ARHGEF4: variants seen among roughly 807,000 people sequenced by gnomAD.
ARHGEF4 encodes the protein APC-stimulated guanine nucleotide exchange factor 1.
ARHGEF4 carries 119 observed loss-of-function variants against 162.0 expected under a neutral mutation model. The observed-to-expected ratio is 0.73, with a 90% CI of 0.63 to 0.86. The LOEUF (loss-of-function observed/expected upper bound fraction) is 0.86. ARHGEF4 is among the 40% of genes least tolerant of loss of function. The probability of loss-of-function intolerance (pLI) is 0.00; values close to 1 mark genes in which losing one functional copy is unlikely to be tolerated. For missense variants in ARHGEF4, 2,488 were observed against 2,456.0 expected, an observed-to-expected ratio of 1.01 and a Z score of -0.28; for synonymous variants, 1,014 against 979.9, an observed-to-expected ratio of 1.03 and a Z score of -0.65.
At chr2:130,842,079 G>C (rs151079157) in intron 1 of ARHGEF4, among the ~76,000 whole-genome samples, 2 of 152,334 alleles carry the variant, frequency 1.3e-5, no homozygotes, top group East Asian at 3.9e-4. Flanking sequence ...GGTTTCACTT[G>C]TAATTGGTTC....
rs549856983 is a variant in ARHGEF4, at chr2:130,993,366, T to G, written c.3986-34579T>G. The stretch of plus-strand genomic sequence containing the variant: ...GGATATAGAAAAATTTTGTATGATT[T>G]CAACCCTTTGAAACCTTTTGAAACT... On this transcript the variant is annotated intron_variant, in intron 4 of 13. Transcript: ENST00000409359. Among the ~76,000 whole-genome samples, 7 of 152,346 alleles carry G rather than the reference T, an allele frequency of 4.6e-5. 1 individual carries two copies. Among genetic ancestry groups the G allele is most frequent in the African/African-American group, 1.7e-4 (7 of 41,584 alleles).
At chr2:130,992,571 C>T (rs184774382) in intron 4 of ARHGEF4, among the ~76,000 whole-genome samples, 3 of 151,882 alleles carry the variant, frequency 2.0e-5, no homozygotes, top group African/African-American at 2.4e-5. Flanking sequence ...GAAGAAACTC[C>T]GAACCTATCC....
At chr2:130,976,922 T>A (rs531820610) in intron 4 of ARHGEF4, among the ~76,000 whole-genome samples, 1 of 151,852 alleles carries the variant, frequency 6.6e-6, no homozygotes, top group East Asian at 1.9e-4. Flanking sequence ...GTGTATGGTG[T>A]GTTAGTATGT....
intron 10 of ARHGEF4, among the ~76,000 whole-genome samples, chr2:131,042,371 C>T (rs927168564): frequency 1.3e-5 from 2 of 152,226 alleles, no homozygotes; most frequent in Non-Finnish European, 2.9e-5. Flanking sequence ...CCTCCTGGTT[C>T]TGTTTGTCTG....
chr2:130,970,570 C>T (rs963460869), intron 4 of ARHGEF4, among the ~76,000 whole-genome samples: 1 of 125,040 alleles, frequency 8.0e-6, no homozygotes, highest in Non-Finnish European at 1.6e-5. Flanking sequence ...GCCTGGGCAA[C>T]AAGAGTGAAA....
intron 4 of ARHGEF4, among the ~76,000 whole-genome samples, chr2:130,975,069 T>TCA (rs1318478362): frequency 1.3e-5 from 2 of 152,022 alleles, no homozygotes; most frequent in Non-Finnish European, 2.9e-5. Flanking sequence ...CCCCCAGGGG[T>TCA]TGCCTTGGGT....
intron 13 of ARHGEF4, chr2:131,045,696 G>A (rs1463092236): frequency 6.9e-7 from 1 of 1,456,804 alleles, no homozygotes; most frequent in Non-Finnish European, 9.1e-7. Context: ...GACAATGCTT[G>A]TTTCCCCAGG....
intron 1 of ARHGEF4, among the ~76,000 whole-genome samples, chr2:130,850,845 G>GA (rs1343461678): frequency 6.6e-6 from 1 of 152,254 alleles, no homozygotes; most frequent in Non-Finnish European, 1.5e-5. Flanking sequence ...GACCCCCTCA[G>GA]ATGGCAGCTG....
chr2:130,854,974 C>T (rs113135899), intron 1 of ARHGEF4, among the ~76,000 whole-genome samples: 51 of 151,850 alleles, frequency 3.4e-4, no homozygotes, highest in African/African-American at 1.1e-3. Flanking sequence ...CCTGGGTTCA[C>T]GCCATTCTCC....
At chr2:131,036,639 T>C (rs1690306994) in intron 5 of ARHGEF4, among the ~76,000 whole-genome samples, 1 of 152,122 alleles carries the variant, frequency 6.6e-6, no homozygotes, top group South Asian at 2.1e-4. Flanking sequence ...GAAAGGGGAA[T>C]GGGGGCACCA....
chr2:131,034,190 T>C (rs1690062375), intron 5 of ARHGEF4, among the ~76,000 whole-genome samples: 1 of 152,166 alleles, frequency 6.6e-6, no homozygotes, highest in Non-Finnish European at 1.5e-5. Context: ...CCAGGAACTC[T>C]TCTTGCTCCA....
chr2:130,924,353 G>A (rs1458375416), intron 2 of ARHGEF4, among the ~76,000 whole-genome samples: 1 of 147,818 alleles, frequency 6.8e-6, no homozygotes, highest in Non-Finnish European at 1.5e-5. Context: ...TGCAACTTCC[G>A]TCTCCCGGGT....
At chr2:130,844,345 C>G (rs1185848838) in intron 1 of ARHGEF4, among the ~76,000 whole-genome samples, 2 of 152,192 alleles carry the variant, frequency 1.3e-5, no homozygotes, top group Non-Finnish European at 2.9e-5. Flanking sequence ...GGCCCTCCGG[C>G]CCTCACGTTG....
At chr2:130,917,679 C>A (rs570840048) in intron 2 of ARHGEF4, among the ~76,000 whole-genome samples, 181 bp downstream of exon 2, 219 of 152,224 alleles carry the variant, frequency 1.4e-3, no homozygotes, top group Middle Eastern at 3.4e-3. Flanking sequence ...ACTTCTTGAA[C>A]GTTACCAAGC....
intron 4 of ARHGEF4, among the ~76,000 whole-genome samples, chr2:130,977,233 T>C (rs1408697613): frequency 2.0e-5 from 3 of 151,842 alleles, no homozygotes; most frequent in Non-Finnish European, 4.4e-5. Flanking sequence ...GTGTGATGTG[T>C]GTGGTGTATG....
chr2:130,870,094 C>T (rs945812014), intron 1 of ARHGEF4, among the ~76,000 whole-genome samples: 20 of 152,190 alleles, frequency 1.3e-4, no homozygotes, highest in African/African-American at 4.6e-4. Flanking sequence ...GAACAATATT[C>T]GCCCTCTGCT....
At chr2:130,911,182 C>A (rs1681161615) in intron 1 of ARHGEF4, among the ~76,000 whole-genome samples, 1 of 152,308 alleles carries the variant, frequency 6.6e-6, no homozygotes, top group South Asian at 2.1e-4. Context: ...ATCCTCCCCT[C>A]CTGATGGGCT....
At chr2:130,980,241 A>G (rs1302832943) in intron 4 of ARHGEF4, among the ~76,000 whole-genome samples, 1 of 152,076 alleles carries the variant, frequency 6.6e-6, no homozygotes, top group East Asian at 1.9e-4. Flanking sequence ...TACTAAAAAT[A>G]CAAAAATTAG....
At chr2:130,857,242 A>G in intron 1 of ARHGEF4, among the ~76,000 whole-genome samples, 1 of 149,634 alleles carries the variant, frequency 6.7e-6, no homozygotes, top group East Asian at 2.0e-4. Flanking sequence ...AAAAAAATAA[A>G]AAAATAAAAA....
Sources: gnomAD v4.1 joint callset for allele counts (sites outside exome capture counted in the v4.1 genomes callset) on GRCh38, gnomAD v4.1.1 for gene constraint, MANE v1.5 for transcripts, NCBI Gene and HGNC (gene_info 2026-07-23, HGNC 2026-07-21) for gene names.